The following MEIOB variants were observed in gnomAD, a reference collection of about 807,000 sequenced individuals.
MEIOB encodes the protein meiosis specific with OB-fold, also known as meiosis-specific with OB domain-containing protein.
MEIOB carries 50 observed loss-of-function variants against 53.1 expected under a neutral mutation model. That is an observed-to-expected ratio of 0.94 (90% confidence interval 0.75 to 1.19). The LOEUF (loss-of-function observed/expected upper bound fraction) is 1.19. Among genes scored for constraint, MEIOB ranks in the 50% most tolerant of loss-of-function variants. The pLI is 0.00. For synonymous variants in MEIOB, 192 were observed against 182.5 expected, an observed-to-expected ratio of 1.05 and a Z score of -0.42; for missense variants, 551 against 550.8, an observed-to-expected ratio of 1.00 and a Z score of 0.00.
intron 5 of MEIOB, among the ~76,000 whole-genome samples, chr16:1,859,271 G>A (rs978883390): frequency 1.3e-5 from 2 of 152,208 alleles, no homozygotes; most frequent in Non-Finnish European, 2.9e-5. Flanking sequence ...GCCAGGCGCG[G>A]TGGCTCACGC....
rs1171357375 is a variant in MEIOB at position 1,841,423 on chromosome 16, T to TC, written c.1034+396dup. Among the ~76,000 whole-genome samples the TC allele has an allele frequency of 2.6e-5, 4 of 152,268 alleles. No homozygotes were observed. In the East Asian group the frequency reaches 7.7e-4, roughly 29 times the overall value. ...TCAAACTCCTGGGCTCAACCGATCC[T>TC]CCCACCTCAGCCTCCTGAGTAGCTG... On this transcript the variant is annotated intron_variant, in intron 11 of 13. Transcript: ENST00000325962.
intron 8 of MEIOB, 33 bp from the exon 9 acceptor site, chr16:1,853,167 C>T (rs1164736582): frequency 6.4e-7 from 1 of 1,570,928 alleles, no homozygotes; most frequent in East Asian, 2.3e-5. Context: ...AAAATTATTA[C>T]ATGGGAGGAT....
chr16:1,845,637 T>G (rs1468887938), intron 9 of MEIOB, among the ~76,000 whole-genome samples: 1 of 152,180 alleles, frequency 6.6e-6, no homozygotes, highest in African/African-American at 2.4e-5. Flanking sequence ...TGTTTCTATA[T>G]ATTTTTTCTG....
At chr16:1,844,188 T>C (rs78080772) in intron 10 of MEIOB, among the ~76,000 whole-genome samples, 26,315 of 149,932 alleles carry the variant, frequency 0.18, 2,469 homozygotes, top group South Asian at 0.27. Context: ...AGTGGTGTGA[T>C]CTTGGCTCAC....
chr16:1,850,388 G>A (rs1596973191), intron 9 of MEIOB, among the ~76,000 whole-genome samples: 2 of 151,458 alleles, frequency 1.3e-5, no homozygotes, highest in Admixed American at 1.3e-4. Flanking sequence ...AGACCAGCCT[G>A]GCCAATATGG....
At chr16:1,840,328 G>C (rs1240283550) in intron 11 of MEIOB, 3 of 152,032 alleles carry the variant, frequency 2.0e-5, no homozygotes, top group Non-Finnish European at 4.4e-5. Flanking sequence ...AAAATTCAGA[G>C]GTCAATATCT....
rs566266164 is a variant in MEIOB at position 1,845,151 on chromosome 16, C to T, written c.779-188G>A. On this transcript the variant is annotated intron_variant, in intron 9 of 13. Coordinates refer to ENST00000325962, the MANE Select transcript of MEIOB (RefSeq NM_001163560.3). ...ACATAGAGAGATGTACACCACATTA[C>T]ATCTAAAACAGATGTTAGTGAAAAG... 2.0e-5 allele frequency among the ~76,000 whole-genome samples: 3 copies of T among 152,320 alleles called. No homozygotes were observed. In the East Asian group the frequency reaches 5.8e-4, roughly 29 times the overall value.
intron 11 of MEIOB, 88 bp from the exon 12 acceptor site, chr16:1,839,526 CTACGACAGTGTGTGGAAAACT>C: frequency 8.1e-7 from 1 of 1,236,958 alleles, no homozygotes; most frequent in East Asian, 2.5e-5. Flanking sequence ...ACTAAAAACT[CTACGACAGTGTGTGGAAAACT>C]TACTGAGTGT....
chr16:1,859,259 T>C (rs1412334907), intron 5 of MEIOB, among the ~76,000 whole-genome samples: 3 of 152,132 alleles, frequency 2.0e-5, no homozygotes, highest in Non-Finnish European at 4.4e-5. Flanking sequence ...TACAAAAGTT[T>C]GGCCAGGCGC....
At chr16:1,839,953 A>AG (rs1398298456) in intron 11 of MEIOB, 1 of 152,514 alleles carries the variant, frequency 6.6e-6, no homozygotes, top group Non-Finnish European at 1.5e-5. Flanking sequence ...AAGCCTTGCA[A>AG]GGCTGGCCGG....
At chr16:1,848,545 T>TTC (rs1293390978) in intron 9 of MEIOB, among the ~76,000 whole-genome samples, 9 of 121,020 alleles carry the variant, frequency 7.4e-5, no homozygotes, top group Non-Finnish European at 1.5e-4. Flanking sequence ...TTTTTTTTCC[T>TTC]TTTTTTTTTT....
intron 3 of MEIOB, 45 bp downstream of exon 3, chr16:1,865,733 C>A: frequency 1.4e-6 from 2 of 1,416,564 alleles, no homozygotes; most frequent in Non-Finnish European, 9.6e-7. Context: ...TAGTCATAAG[C>A]CAAAGTTGAT....
Position 1,861,972 on chromosome 16 carries a change from A to G in MEIOB, c.259+13T>C. On this transcript the variant is annotated intron_variant, in intron 4 of 13. Transcript: ENST00000325962. ...CTATGATGGAAAAAGTTTAAGAATC[A>G]ATGCCAACTTACCACAGTCACCAAC... 6.5e-7 allele frequency: 1 copy of G among 1,548,536 alleles called. No individual in the cohort carries two copies.
chr16:1,858,733 C>A (rs1318820158), intron 5 of MEIOB, among the ~76,000 whole-genome samples: 1 of 152,160 alleles, frequency 6.6e-6, no homozygotes, highest in South Asian at 2.1e-4. Context: ...CCTGCCCGTG[C>A]CCTGCATTCC....
intron 9 of MEIOB, among the ~76,000 whole-genome samples, chr16:1,845,945 G>A (rs1034374581): frequency 1.3e-5 from 2 of 152,034 alleles, no homozygotes; most frequent in African/African-American, 4.8e-5. Flanking sequence ...GGAAGATCTG[G>A]GCATTTCTTC....
In MEIOB at chr16:1,834,338, C is replaced by A; in HGVS notation, c.1334G>T (p.Gly445Val). 1 of 1,611,348 alleles carries A rather than the reference C, an allele frequency of 6.2e-7. No homozygotes were observed. Among genetic ancestry groups the A allele is most frequent in the Non-Finnish European group, 8.5e-7 (1 of 1,177,712 alleles). ...KFVLSHRARSGLKISVLSCKL... is the reference protein window; with the variant it reads ...KFVLSHRARSVLKISVLSCKL... ...GCACGAGAGTACACTAATTTTCAAT[C>A]CACTCCTTGCTCTGTGTGATAGAAC... is the stretch of plus-strand genomic sequence containing the variant. Residue 445 changes from glycine (G) to valine (V), a missense_variant, in exon 14 of 14, where the codon GGA (glycine) becomes GTA (valine). Transcript: ENST00000325962.
At chr16:1,842,441 ACT>A (rs1220398204) in intron 10 of MEIOB, among the ~76,000 whole-genome samples, 1 of 135,626 alleles carries the variant, frequency 7.4e-6, no homozygotes, top group Non-Finnish European at 1.6e-5. Flanking sequence ...ATGGAGAAAC[ACT>A]GTCTCTACTT....
intron 4 of MEIOB, 24 bp downstream of exon 4, chr16:1,861,961 G>A (rs751276787): frequency 7.1e-6 from 11 of 1,546,746 alleles, no homozygotes; most frequent in Non-Finnish European, 8.7e-6. Context: ...GATGGAAAAA[G>A]TTTAAGAATC....
rs773133312 is a variant in MEIOB, at chr16:1,854,109, G to A, written c.620C>T (p.Ala207Val). Residue 207 changes from alanine (A) to valine (V), a missense_variant, in exon 7 of 14, where the codon GCG (alanine) becomes GTG (valine). Ala to Val is a moderately conservative substitution (Grantham distance 64). Transcript: ENST00000325962. ...AGACATCGGTGTTTACCATGTCATC[G>A]CAAAAGACGACTCTGTTTCATCATA... ...RLYDETESSF[A>V]MTCWDNESIL... 14 of 1,545,160 alleles carry A rather than the reference G, an allele frequency of 9.1e-6. No homozygotes were observed. The highest frequency in any genetic ancestry group is 8.4e-5 in the South Asian group (7 of 83,774).
Sources: allele counts gnomAD v4.1 joint callset (sites outside exome capture counted in the v4.1 genomes callset), GRCh38; gene constraint gnomAD v4.1.1; transcripts MANE v1.5; gene names NCBI Gene and HGNC (gene_info 2026-07-23, HGNC 2026-07-21).